The following MDN1 variants were observed in gnomAD, a reference collection of about 807,000 sequenced individuals.
The protein encoded by MDN1 is midasin.
A neutral mutation model predicts 669.2 loss-of-function variants in MDN1; 266 were observed. The observed-to-expected ratio is 0.40, with a 90% CI of 0.36 to 0.44. The LOEUF (loss-of-function observed/expected upper bound fraction) is 0.44, where lower values mean the gene tolerates loss of function less well. Among genes scored for constraint, MDN1 ranks in the 20% least tolerant of loss-of-function variants. The pLI is 1.00. For missense variants in MDN1, 5,940 were observed against 6,754.0 expected (o/e 0.88, Z 4.22); for synonymous variants, 2,385 against 2,457.1 (o/e 0.97, Z 0.87).
At chr6:89,683,475 G>T in intron 72 of MDN1, 145 bp from the exon 73 acceptor site, 1 of 695,530 alleles carries the variant, frequency 1.4e-6, no homozygotes, top group Non-Finnish European at 2.4e-6. Context: ...ATTAATAGTT[G>T]TTTTATTTTT....
chr6:89,797,054 G>C (rs1819646130), intron 2 of MDN1, among the ~76,000 whole-genome samples: 2 of 151,162 alleles, frequency 1.3e-5, no homozygotes, highest in African/African-American at 4.9e-5. Flanking sequence ...GGCAACAAGA[G>C]TGAAACTCCA....
rs746340115 is a variant in MDN1 at position 89,662,215 on chromosome 6, C to T, written c.14437G>A (p.Asp4813Asn). The T allele has an allele frequency of 1.7e-5, 27 of 1,611,858 alleles. No individual in the cohort carries two copies. The highest frequency in any genetic ancestry group is 2.7e-5 in the African/African-American group (2 of 74,688). ...DEEDSELVAK[D>N]DNLDSGNSNK... is the part of the protein sequence containing the mutation. ...GAATTGCCACTATCCAAGTTGTCAT[C>T]TTTAGCAACAAGTTCAGAATCTTCC... Residue 4813 changes from aspartate to asparagine, a missense_variant, in exon 87 of 102, where the codon GAT becomes AAT. Around this residue, in one of 5 missense-constraint regions of MDN1, gnomAD observed 2,280 missense variants for 2,576.3 expected, o/e 0.88. Coordinates refer to ENST00000369393, the MANE Select transcript of MDN1 (RefSeq NM_014611.3).
rs368491325 is a variant in MDN1, at chr6:89,743,145, C to T, written c.4448+5G>A. 9 of 1,613,610 alleles carry T rather than the reference C, an allele frequency of 5.6e-6. No individual in the cohort carries two copies. The Admixed American group carries it at 8.3e-5, about 15-fold the overall frequency. ...AAACACAAGGCAAACCTCTCAGGCACGTACCTGTTGAGTCTTTCCAAGACA... is the reference window on the plus strand; with the variant it reads ...AAACACAAGGCAAACCTCTCAGGCATGTACCTGTTGAGTCTTTCCAAGACA... On this transcript the variant is annotated splice_donor_5th_base_variant and intron_variant, in intron 31 of 101. Transcript: ENST00000369393.
chr6:89,762,606 A>G, intron 15 of MDN1, 76 bp from the exon 16 acceptor site: 2 of 1,041,646 alleles, frequency 1.9e-6, no homozygotes, highest in East Asian at 2.4e-5. Context: ...CTCAGAAAAC[A>G]GGAGTAGGTC....
rs749520176 is a variant in MDN1 at position 89,644,074 on chromosome 6, T to C, written c.16722A>G (p.Ala5574=). 6.2e-7 allele frequency: 1 copy of C among 1,613,990 alleles called. No homozygotes were observed. ...GGGCATCGCTGAGTGTCTCAGGAAG[T>C]GCGTTTACATCTCGAAGAATGATAT... ...PYYIILRDVN[A]LPETLSDALR... is the part of the protein sequence containing the mutation. The change falls in exon 102 of 102, where the codon GCA becomes GCG. Residue 5574 remains alanine (A), a synonymous_variant. Transcript: ENST00000369393.
rs755017751 is a variant in MDN1 at position 89,644,981 on chromosome 6, C to CA, written c.16602+33_16602+34insT. Reference sequence around the variant, plus strand: ...CAGGTTGAAGGGAATCCCCACTTTACCTCCAGAAAAGGTGGCTTTTAGTAG... The same window carrying CA: ...CAGGTTGAAGGGAATCCCCACTTTACACTCCAGAAAAGGTGGCTTTTAGTAG... On this transcript the variant is annotated intron_variant, in intron 101 of 101. Coordinates refer to ENST00000369393, the MANE Select transcript of MDN1 (RefSeq NM_014611.3). 2.6e-6 allele frequency: 4 copies of CA among 1,565,872 alleles called. No homozygotes were observed. The Admixed American group carries it at 5.1e-5, about 20-fold the overall frequency.
chr6:89,672,816 G>A, intron 80 of MDN1, 114 bp from the exon 81 acceptor site: 1 of 1,178,976 alleles, frequency 8.5e-7, no homozygotes, highest in Non-Finnish European at 1.2e-6. Context: ...ACTGTGTCAA[G>A]CTGTGCCAGA....
At chr6:89,787,823 G>A in intron 8 of MDN1, 31 bp downstream of exon 8, 2 of 1,536,858 alleles carry the variant, frequency 1.3e-6, no homozygotes, top group Non-Finnish European at 8.9e-7. Context: ...AGTGGCTCCA[G>A]AGTGAAAACA....
At chr6:89,655,564 C>T (rs1355216460) in intron 92 of MDN1, among the ~76,000 whole-genome samples, 200 bp downstream of exon 92, 2 of 152,144 alleles carry the variant, frequency 1.3e-5, no homozygotes, top group Admixed American at 1.3e-4. Flanking sequence ...GTTTACAAAG[C>T]CATTTCCTCT....
chr6:89,722,660 C>G (rs527927262), intron 40 of MDN1, among the ~76,000 whole-genome samples: 22 of 152,208 alleles, frequency 1.4e-4, no homozygotes, highest in Admixed American at 3.3e-4. Context: ...TCTGCCTGAC[C>G]AATATGGTGA....
rs372641249 is a variant in MDN1 at position 89,754,630 on chromosome 6, G to A, written c.2817-400C>T. On this transcript the variant is annotated intron_variant, in intron 20 of 101. Coordinates refer to ENST00000369393, the MANE Select transcript of MDN1 (RefSeq NM_014611.3). ...AACGCATGGTGTTTTGAAAGGCTACGAATATGGCTATAATTAGTACTGACA... is the reference window on the plus strand; with the variant it reads ...AACGCATGGTGTTTTGAAAGGCTACAAATATGGCTATAATTAGTACTGACA... Among the ~76,000 whole-genome samples, 153 of 152,298 alleles carry A rather than the reference G, an allele frequency of 1.0e-3. 2 individuals are homozygous for A. The highest frequency in any genetic ancestry group is 3.2e-3 in the African/African-American group (135 of 41,566).
intron 46 of MDN1, among the ~76,000 whole-genome samples, chr6:89,713,930 C>T (rs964132706): frequency 5.3e-5 from 8 of 151,062 alleles, no homozygotes; most frequent in African/African-American, 1.9e-4. Flanking sequence ...CCCAGCTACT[C>T]GGAGAGGCTG....
intron 23 of MDN1, 121 bp downstream of exon 23, chr6:89,751,310 A>C (rs1389500444): frequency 7.9e-7 from 1 of 1,259,328 alleles, no homozygotes; most frequent in African/African-American, 1.5e-5. Context: ...TTTGTAAGTA[A>C]TTGTTCAGTT....
intron 99 of MDN1, 139 bp downstream of exon 99, chr6:89,647,893 T>C (rs1250046135): frequency 3.0e-6 from 2 of 667,820 alleles, no homozygotes; most frequent in East Asian, 2.7e-5. Context: ...TTCGAAGCTA[T>C]AGTGAGCTAT....
At chr6:89,717,602 G>A (rs931076540) in intron 43 of MDN1, among the ~76,000 whole-genome samples, 9 of 152,130 alleles carry the variant, frequency 5.9e-5, no homozygotes, top group Non-Finnish European at 1.0e-4. Flanking sequence ...TATGACACAT[G>A]ACTGCATCGG....
At position 89,754,237 on chromosome 6, in the gene MDN1, A is replaced by G; in HGVS notation, c.2817-7T>C. The stretch of plus-strand genomic sequence containing the variant: ...CCGCAAAGCTGTGTAGAAGCTACAA[A>G]TAGAATAAAGGTCAGGCAATTTTAT... On this transcript the variant is annotated splice_region_variant and splice_polypyrimidine_tract_variant and intron_variant, in intron 20 of 101. Coordinates refer to ENST00000369393, the MANE Select transcript of MDN1 (RefSeq NM_014611.3). The G allele has an allele frequency of 2.5e-6, 4 of 1,611,592 alleles. No individual in the cohort carries two copies. Among genetic ancestry groups the G allele is most frequent in the Non-Finnish European group, 2.5e-6 (3 of 1,179,014 alleles).
chr6:89,701,445 G>A lies in MDN1; in HGVS notation c.8427+113C>T, dbSNP rs769649704. ...CAGATGCCAAAGGAAAACTGCAAGA[G>A]TTATGCTTTCAAGACAAGGATTAAT... On this transcript the variant is annotated intron_variant, in intron 55 of 101. Transcript: ENST00000369393. 162 of 1,374,000 alleles carry A rather than the reference G, an allele frequency of 1.2e-4. No homozygotes were observed. In the Middle Eastern group the frequency reaches 1.5e-3, roughly 13 times the overall value. The allele number at this position is 1,374,000 out of a possible 1,614,324, so 85.1% of individuals were successfully genotyped here. A position where few individuals can be genotyped will look rare whatever the true frequency, so the allele number is the denominator to read the frequency against.
At chr6:89,760,484 A>C (rs10944457) in intron 17 of MDN1, among the ~76,000 whole-genome samples, 16,903 of 152,078 alleles carry the variant, frequency 0.11, 1,270 homozygotes, top group Middle Eastern at 0.21. Context: ...AGGTATTCCC[A>C]AAAAAAATCT....
intron 15 of MDN1, among the ~76,000 whole-genome samples, chr6:89,767,161 AC>A (rs1817840129): frequency 6.6e-6 from 1 of 152,040 alleles, no homozygotes; most frequent in African/African-American, 2.4e-5. Flanking sequence ...GGCTGTCCCC[AC>A]CCGCAACTCT....
Sources: gnomAD v4.1 joint callset for allele counts (sites outside exome capture counted in the v4.1 genomes callset) on GRCh38, gnomAD v4.1.1 for gene constraint, gnomAD v4.1.1 regional missense constraint, MANE v1.5 for transcripts, NCBI Gene and HGNC (gene_info 2026-07-23, HGNC 2026-07-21) for gene names.